Variants in FBLN7 observed in about 807,000 individuals in gnomAD.
FBLN7 encodes the protein fibulin 7.
FBLN7 carries 31 observed loss-of-function variants against 44.0 expected under a neutral mutation model. The ratio of observed to expected loss-of-function variants is 0.70; its 90% CI spans 0.53 to 0.95. FBLN7 has a LOEUF of 0.95. FBLN7 is among the 40% of genes least tolerant of loss of function. FBLN7 has a pLI of 0.00. For missense variants in FBLN7, 573 were observed against 618.5 expected (o/e 0.93, Z 0.78); for synonymous variants, 262 against 253.4 (o/e 1.03, Z -0.32).
At chr2:112,159,532 A>T in intron 1 of FBLN7, 144 bp from the exon 2 acceptor site, 1 of 925,162 alleles carries the variant, frequency 1.1e-6, no homozygotes, top group Non-Finnish European at 1.5e-6. Flanking sequence ...GGGGCTGTCC[A>T]GCGGCAGGTC....
chr2:112,213,775 C>CAAAAAAAAAAAA, the FBLN7 span: 1 of 24,066 alleles, frequency 4.2e-5, no homozygotes, highest in African/African-American at 2.0e-4. Context: ...GACTCCGTCT[C>CAAAAAAAAAAAA]AAAAAAAAAA....
intron 1 of FBLN7, among the ~76,000 whole-genome samples, chr2:112,142,566 G>A (rs1329979785): frequency 1.3e-5 from 2 of 152,072 alleles, no homozygotes; most frequent in Non-Finnish European, 2.9e-5. Flanking sequence ...GATGAGATGG[G>A]TCAGGTGGGA....
At chr2:112,141,905 G>A (rs913065805) in intron 1 of FBLN7, among the ~76,000 whole-genome samples, 2 of 152,160 alleles carry the variant, frequency 1.3e-5, no homozygotes, top group African/African-American at 2.4e-5. Flanking sequence ...CTCTGTACCC[G>A]GAACTTCTGG....
At chr2:112,213,248 G>A in the FBLN7 span, 3 of 152,186 alleles carry the variant, frequency 2.0e-5, no homozygotes, top group African/African-American at 7.2e-5. Context: ...GAGATTCAAG[G>A]TGTGAGCCAC....
At chr2:112,160,674 A>ACACGCACGCACACACACAAGCACG (rs1553474894) in intron 2 of FBLN7, among the ~76,000 whole-genome samples, 2 of 135,268 alleles carry the variant, frequency 1.5e-5, no homozygotes, top group African/African-American at 5.6e-5. Context: ...GCACACGCAC[A>ACACGCACGCACACACACAAGCACG]CGCAGACGCA....
chr2:112,186,324 A>C (rs1372266369), intron 7 of FBLN7, among the ~76,000 whole-genome samples: 1 of 152,226 alleles, frequency 6.6e-6, no homozygotes, highest in Non-Finnish European at 1.5e-5. Context: ...TGATTAAGGA[A>C]AACAGGGCTT....
chr2:112,161,562 C>T (rs1312718469), intron 2 of FBLN7, among the ~76,000 whole-genome samples: 1 of 152,222 alleles, frequency 6.6e-6, no homozygotes, highest in Non-Finnish European at 1.5e-5. Flanking sequence ...CAAGGCCTGA[C>T]TCCACAAAGC....
At chr2:112,160,720 GCGCA>G (rs1681748380) in intron 2 of FBLN7, among the ~76,000 whole-genome samples, 3 of 130,888 alleles carry the variant, frequency 2.3e-5, no homozygotes, top group Admixed American at 7.7e-5. Flanking sequence ...ACACAAGCAC[GCGCA>G]CACGCACGCA....
chr2:112,195,905 C>T, the FBLN7 span, among the ~76,000 whole-genome samples: 1 of 152,210 alleles, frequency 6.6e-6, no homozygotes, highest in African/African-American at 2.4e-5. Flanking sequence ...TTCCTCCTCT[C>T]CCACCTCTGG....
intron 1 of FBLN7, among the ~76,000 whole-genome samples, chr2:112,146,591 T>G (rs1680909217): frequency 6.6e-6 from 1 of 151,466 alleles, no homozygotes; most frequent in Non-Finnish European, 1.5e-5. Flanking sequence ...TTTTTTAAAT[T>G]CATTTCCAAG....
the FBLN7 span, among the ~76,000 whole-genome samples, chr2:112,205,581 C>T: frequency 6.6e-6 from 1 of 152,002 alleles, no homozygotes; most frequent in Admixed American, 6.5e-5. Flanking sequence ...TCAATAATTA[C>T]ATTAAATGTA....
chr2:112,238,550 A>T, the FBLN7 span: 3 of 1,570,236 alleles, frequency 1.9e-6, no homozygotes, highest in Non-Finnish European at 2.6e-6. Flanking sequence ...TTAAAACTTC[A>T]ATTTTAAAAA....
chr2:112,174,121 C>A (rs1211667739), intron 3 of FBLN7, among the ~76,000 whole-genome samples: 11 of 152,238 alleles, frequency 7.2e-5, no homozygotes, highest in Admixed American at 7.2e-4. Flanking sequence ...CTGCCCACAA[C>A]TTCACGGCCT....
At position 112,158,920 on chromosome 2, in the gene FBLN7, C is replaced by T. The variant is rs191173634; in HGVS notation, c.76-756C>T. On this transcript the variant is annotated intron_variant, in intron 1 of 7. Transcript: ENST00000331203. The stretch of plus-strand genomic sequence containing the variant: ...GCATTAAGTAGAATGCTGGCACCTC[C>T]GGGGAGTGGCCATCTGCCATCTAGA... Among the ~76,000 whole-genome samples, 17 of 152,272 alleles carry T rather than the reference C, an allele frequency of 1.1e-4. No homozygotes were observed. In the East Asian group the frequency reaches 1.9e-3, roughly 17 times the overall value.
intron 1 of FBLN7, among the ~76,000 whole-genome samples, chr2:112,154,137 C>T (rs1000255428): frequency 7.2e-5 from 11 of 152,134 alleles, no homozygotes; most frequent in Admixed American, 2.6e-4. Context: ...ATAACAGAAA[C>T]GGTAAACCTT....
intron 1 of FBLN7, among the ~76,000 whole-genome samples, chr2:112,148,672 T>C (rs1680999587): frequency 6.6e-6 from 1 of 152,210 alleles, no homozygotes; most frequent in African/African-American, 2.4e-5. Context: ...CTGGGGCTGG[T>C]TGGTCTAGGG....
chr2:112,195,894 C>G, the FBLN7 span, among the ~76,000 whole-genome samples: 2 of 152,226 alleles, frequency 1.3e-5, no homozygotes, highest in Non-Finnish European at 2.9e-5. Context: ...TGGCCTAATA[C>G]TTCCTCCTCT....
chr2:112,185,003 C>T (rs972557124), intron 6 of FBLN7, among the ~76,000 whole-genome samples, 198 bp from the exon 7 acceptor site: 1 of 151,708 alleles, frequency 6.6e-6, no homozygotes, highest in Non-Finnish European at 1.5e-5. Flanking sequence ...GGACAGGATC[C>T]CAGGGAGGGG....
chr2:112,201,345 C>T, the FBLN7 span, among the ~76,000 whole-genome samples: 1 of 152,170 alleles, frequency 6.6e-6, no homozygotes, highest in Non-Finnish European at 1.5e-5. Flanking sequence ...TGTCACAGGT[C>T]CTTGCCAAGA....
Sources: gnomAD v4.1 joint callset for allele counts (sites outside exome capture counted in the v4.1 genomes callset) on GRCh38, gnomAD v4.1.1 for gene constraint, MANE v1.5 for transcripts, NCBI Gene and HGNC (gene_info 2026-07-23, HGNC 2026-07-21) for gene names.